Variants in CTNNA3 observed in about 807,000 individuals in gnomAD.
The protein encoded by CTNNA3 is catenin alpha-3.
CTNNA3 carries 76 observed loss-of-function variants against 95.7 expected under a neutral mutation model. The ratio of observed to expected loss-of-function variants is 0.79; its 90% CI spans 0.66 to 0.96. The LOEUF (loss-of-function observed/expected upper bound fraction) is 0.96, where lower values mean the gene tolerates loss of function less well. Ranked by LOEUF, CTNNA3 falls within the 40% of genes least tolerant of loss-of-function variation. The pLI, the probability that CTNNA3 is intolerant of heterozygous loss-of-function variation, is 0.00. For synonymous variants in CTNNA3, 431 were observed against 374.4 expected, an observed-to-expected ratio of 1.15 and a Z score of -1.74; for missense variants, 1,191 against 1,089.8, an observed-to-expected ratio of 1.09 and a Z score of -1.31.
intron 5 of CTNNA3, among the ~76,000 whole-genome samples, chr10:67,469,658 C>T (rs1004331321): frequency 4.0e-5 from 6 of 151,898 alleles, no homozygotes; most frequent in African/African-American, 1.5e-4. Flanking sequence ...TACCTAATGT[C>T]AATGATGGGT....
intron 5 of CTNNA3, among the ~76,000 whole-genome samples, chr10:67,450,193 T>C (rs1291557648): frequency 6.6e-6 from 1 of 152,186 alleles, no homozygotes; most frequent in Non-Finnish European, 1.5e-5. Context: ...TATATATTGT[T>C]GATGGGAGTG....
intron 13 of CTNNA3, among the ~76,000 whole-genome samples, chr10:66,279,005 T>C (rs561293076): frequency 5.3e-5 from 8 of 152,106 alleles, no homozygotes; most frequent in Non-Finnish European, 1.0e-4. Context: ...TTCTAATCAC[T>C]TAGAAATAGT....
chr10:66,270,204 C>T (rs1357308230), intron 13 of CTNNA3, among the ~76,000 whole-genome samples: 1 of 140,644 alleles, frequency 7.1e-6, no homozygotes, highest in East Asian at 2.1e-4. Context: ...TTATTTAATG[C>T]AGAACACTAT....
chr10:66,016,021 G>T (rs2079089921), intron 15 of CTNNA3, among the ~76,000 whole-genome samples: 1 of 152,110 alleles, frequency 6.6e-6, no homozygotes, highest in African/African-American at 2.4e-5. Context: ...TATAGCATCT[G>T]TTTTCTAATT....
At chr10:67,540,270 T>C (rs939487419) in intron 3 of CTNNA3, among the ~76,000 whole-genome samples, 4 of 152,028 alleles carry the variant, frequency 2.6e-5, no homozygotes, top group African/African-American at 9.7e-5. Flanking sequence ...TTCATTGTTT[T>C]AAGTTCCCAG....
intron 14 of CTNNA3, chr10:66,098,828 A>G (rs1349944877): frequency 6.6e-6 from 1 of 152,162 alleles, no homozygotes; most frequent in African/African-American, 2.4e-5. Context: ...GTGAGTATTC[A>G]TGTTTAACAA....
chr10:67,104,421 A>G (rs976193062), intron 7 of CTNNA3, among the ~76,000 whole-genome samples: 7 of 152,006 alleles, frequency 4.6e-5, no homozygotes, highest in Admixed American at 3.9e-4. Context: ...TCCTACTCAG[A>G]ATGTAATATG....
At chr10:66,681,812 T>A (rs1564614828) in intron 9 of CTNNA3, among the ~76,000 whole-genome samples, 1 of 152,232 alleles carries the variant, frequency 6.6e-6, no homozygotes, top group African/African-American at 2.4e-5. Context: ...ATTTTTTCTT[T>A]TCATGTATAC....
chr10:67,488,271 A>G (rs2133071896), intron 5 of CTNNA3, among the ~76,000 whole-genome samples: 1 of 152,342 alleles, frequency 6.6e-6, no homozygotes, highest in African/African-American at 2.4e-5. Context: ...AAAGCAAGAA[A>G]TGAAGACATT....
intron 5 of CTNNA3, among the ~76,000 whole-genome samples, chr10:67,408,344 G>A (rs1271003227): frequency 1.3e-5 from 2 of 151,944 alleles, no homozygotes; most frequent in African/African-American, 2.4e-5. Flanking sequence ...TCTACTACAG[G>A]GCTACAGTAA....
At chr10:66,291,673 C>T (rs1177003612) in intron 12 of CTNNA3, among the ~76,000 whole-genome samples, 3 of 151,870 alleles carry the variant, frequency 2.0e-5, no homozygotes, top group Non-Finnish European at 4.4e-5. Flanking sequence ...TTGTTTGTCA[C>T]CCTATTTGAT....
At position 66,252,185 on chromosome 10, in the gene CTNNA3, A is replaced by G. The variant is rs75459833; in HGVS notation, c.1884+28285T>C. ...CCAAATGTTTCTATGATGGTTAAAC[A>G]AAGTATCAGATACAGCCTTTTAGCT... On this transcript the variant is annotated intron_variant, in intron 13 of 17. Transcript: ENST00000433211. 3.9e-5 allele frequency among the ~76,000 whole-genome samples: 6 copies of G among 152,316 alleles called. No individual in the cohort carries two copies. In the East Asian group the frequency reaches 1.2e-3, roughly 29 times the overall value.
chr10:67,757,623 T>G (rs1243496723), intron 1 of CTNNA3, among the ~76,000 whole-genome samples: 2 of 152,168 alleles, frequency 1.3e-5, no homozygotes, highest in African/African-American at 2.4e-5. Flanking sequence ...AGACTCAAAG[T>G]TCTTCAGCTT....
intron 12 of CTNNA3, among the ~76,000 whole-genome samples, chr10:66,377,372 A>G (rs890552687): frequency 1.3e-5 from 2 of 152,124 alleles, no homozygotes; most frequent in African/African-American, 4.8e-5. Flanking sequence ...TCTGAATGTG[A>G]TAATGTAGCC....
intron 7 of CTNNA3, among the ~76,000 whole-genome samples, chr10:67,167,330 T>G (rs1173872051): frequency 6.6e-6 from 1 of 152,120 alleles, no homozygotes. Context: ...TGCAGCTCTA[T>G]CAACCAGAGT....
At chr10:66,072,032 A>C (rs1217369379) in intron 14 of CTNNA3, among the ~76,000 whole-genome samples, 1 of 152,156 alleles carries the variant, frequency 6.6e-6, no homozygotes, top group Non-Finnish European at 1.5e-5. Flanking sequence ...ACACCATATC[A>C]CTCCGTTACT....
chr10:65,948,280 CAAAAAAA>C (rs56966630), intron 17 of CTNNA3, among the ~76,000 whole-genome samples: 2 of 97,732 alleles, frequency 2.0e-5, no homozygotes, highest in Non-Finnish European at 4.1e-5. Flanking sequence ...GACTCCATCT[CAAAAAAA>C]AAAAAAAAAA....
intron 15 of CTNNA3, among the ~76,000 whole-genome samples, chr10:66,055,221 T>C (rs2080053278): frequency 6.6e-6 from 1 of 152,180 alleles, no homozygotes; most frequent in African/African-American, 2.4e-5. Flanking sequence ...TGTGGTTCCA[T>C]ATACATTTTA....
intron 3 of CTNNA3, among the ~76,000 whole-genome samples, chr10:67,574,539 C>G (rs1001403455): frequency 1.3e-5 from 2 of 151,116 alleles, no homozygotes; most frequent in Non-Finnish European, 2.9e-5. Flanking sequence ...TGTTTTCTGT[C>G]ACTTCAAATT....
Sources: allele counts gnomAD v4.1 joint callset (sites outside exome capture counted in the v4.1 genomes callset), GRCh38; gene constraint gnomAD v4.1.1; transcripts MANE v1.5; gene names NCBI Gene and HGNC (gene_info 2026-07-23, HGNC 2026-07-21).